Variants in ANKIB1 observed in about 807,000 individuals in gnomAD.
ANKIB1 encodes the protein ankyrin repeat and IBR domain-containing protein 1.
Under a neutral mutation model 122.1 loss-of-function variants are expected in ANKIB1, and 43 were observed. The ratio of observed to expected loss-of-function variants is 0.35; its 90% confidence interval spans 0.28 to 0.45. The LOEUF is 0.45. Ranked by LOEUF, ANKIB1 falls within the 20% of genes least tolerant of loss-of-function variation. The probability of loss-of-function intolerance (pLI) is 1.00; values close to 1 mark genes in which losing one functional copy is unlikely to be tolerated. For missense variants in ANKIB1, 992 were observed against 1,329.5 expected (o/e 0.75, Z 3.95); for synonymous variants, 390 against 442.0 (o/e 0.88, Z 1.48).
At position 92,246,255 on chromosome 7, in the gene ANKIB1, G is replaced by A. The variant is rs113531752; in HGVS notation, c.-355G>A. ...GCGGCGCAGCGGCCGGAGAGGGATG[G>A]GGGGCGCCCACCCAGTCTGAGCCTC... On this transcript the variant is annotated 5_prime_UTR_variant, in exon 1 of 20. Transcript: ENST00000265742. The A allele has an allele frequency of 1.3e-5, 5 of 388,426 alleles. No individual in the cohort carries two copies. Among genetic ancestry groups the A allele is most frequent in the African/African-American group, 9.1e-5 (4 of 43,946 alleles). 24.1% of individuals were successfully genotyped at this position (388,426 alleles called of 1,614,324 possible).
At chr7:92,279,926 C>CA (rs1801983350) in intron 1 of ANKIB1, among the ~76,000 whole-genome samples, 1 of 152,164 alleles carries the variant, frequency 6.6e-6, no homozygotes, top group Admixed American at 6.5e-5. Context: ...TTGTCAGCCT[C>CA]TACGGGTCAG....
intron 17 of ANKIB1, among the ~76,000 whole-genome samples, chr7:92,392,623 T>C (rs954336661): frequency 1.3e-5 from 2 of 152,226 alleles, no homozygotes; most frequent in African/African-American, 4.8e-5. Flanking sequence ...AATATTGTTT[T>C]AATCTGAAAC....
chr7:92,379,626 A>C (rs78900083), intron 11 of ANKIB1, among the ~76,000 whole-genome samples: 239 of 152,338 alleles, frequency 1.6e-3, no homozygotes, highest in African/African-American at 5.4e-3. Flanking sequence ...CCAGTGGAGA[A>C]ACATGAGTTA....
At chr7:92,266,782 A>G (rs534069067) in intron 1 of ANKIB1, among the ~76,000 whole-genome samples, 1 of 152,332 alleles carries the variant, frequency 6.6e-6, no homozygotes, top group South Asian at 2.1e-4. Flanking sequence ...ATGATTCACT[A>G]TTAGCATCCA....
intron 2 of ANKIB1, among the ~76,000 whole-genome samples, chr7:92,302,616 A>G (rs1404815609): frequency 6.6e-6 from 1 of 152,226 alleles, no homozygotes; most frequent in African/African-American, 2.4e-5. Context: ...TGTATCTTCT[A>G]TAAAACAGCC....
At chr7:92,278,277 A>AT (rs1053196768) in intron 1 of ANKIB1, among the ~76,000 whole-genome samples, 1 of 151,972 alleles carries the variant, frequency 6.6e-6, no homozygotes, top group Non-Finnish European at 1.5e-5. Context: ...AAAATAAAGA[A>AT]TTTTTTAAAA....
chr7:92,298,203 C>T (rs1802394004), intron 2 of ANKIB1, among the ~76,000 whole-genome samples: 1 of 151,982 alleles, frequency 6.6e-6, no homozygotes, highest in African/African-American at 2.4e-5. Flanking sequence ...TTGTGGATTA[C>T]TAATCTATTA....
At chr7:92,273,466 C>G (rs1030384974) in intron 1 of ANKIB1, among the ~76,000 whole-genome samples, 1 of 152,154 alleles carries the variant, frequency 6.6e-6, no homozygotes, top group Non-Finnish European at 1.5e-5. Context: ...ATCCAGAAAC[C>G]TCTCCTAGAT....
chr7:92,270,136 T>C (rs1412151528), intron 1 of ANKIB1, among the ~76,000 whole-genome samples: 6 of 152,106 alleles, frequency 3.9e-5, no homozygotes, highest in Non-Finnish European at 8.8e-5. Context: ...CATCACAGCT[T>C]ACTACAGCCT....
intron 14 of ANKIB1, among the ~76,000 whole-genome samples, chr7:92,388,540 G>A (rs1016485083): frequency 2.6e-5 from 4 of 152,214 alleles, no homozygotes; most frequent in Non-Finnish European, 5.9e-5. Flanking sequence ...GCCATGAGGT[G>A]GAGCTAACGT....
chr7:92,265,571 G>A (rs1393852913), intron 1 of ANKIB1, among the ~76,000 whole-genome samples: 1 of 152,224 alleles, frequency 6.6e-6, no homozygotes, highest in African/African-American at 2.4e-5. Flanking sequence ...TGGCTGCTGT[G>A]TGGAAAATAG....
At chr7:92,282,771 G>A (rs77406038) in intron 1 of ANKIB1, among the ~76,000 whole-genome samples, 322 of 152,244 alleles carry the variant, frequency 2.1e-3, no homozygotes, top group African/African-American at 7.3e-3. Flanking sequence ...AAAGTCAAAT[G>A]TTTAAAAGCT....
intron 5 of ANKIB1, among the ~76,000 whole-genome samples, chr7:92,333,752 T>A (rs1200635445): frequency 1.3e-5 from 2 of 152,162 alleles, no homozygotes; most frequent in Non-Finnish European, 2.9e-5. Flanking sequence ...AGGAGTCAGA[T>A]GTGATAGAAT....
At chr7:92,380,288 T>A (rs1266758911) in intron 11 of ANKIB1, among the ~76,000 whole-genome samples, 2 of 152,068 alleles carry the variant, frequency 1.3e-5, no homozygotes, top group African/African-American at 2.4e-5. Context: ...TTCTGTAGAC[T>A]CCACCTCTGG....
chr7:92,381,182 G>C (rs1804504608), intron 11 of ANKIB1, among the ~76,000 whole-genome samples: 1 of 152,144 alleles, frequency 6.6e-6, no homozygotes, highest in African/African-American at 2.4e-5. Flanking sequence ...AAGTAGGGAA[G>C]TTGGGAGAAA....
At chr7:92,311,213 A>G (rs982278368) in intron 3 of ANKIB1, among the ~76,000 whole-genome samples, 2 of 152,160 alleles carry the variant, frequency 1.3e-5, no homozygotes, top group African/African-American at 4.8e-5. Flanking sequence ...GTGTCGTCAG[A>G]TATTTATTAA....
chr7:92,366,164 A>G lies in ANKIB1; in HGVS notation c.1486+3891A>G, dbSNP rs546116013. Among the ~76,000 whole-genome samples, 7 of 152,282 alleles carry G rather than the reference A, an allele frequency of 4.6e-5. No individual in the cohort carries two copies. The South Asian group carries it at 1.2e-3, about 27-fold the overall frequency. On this transcript the variant is annotated intron_variant, in intron 10 of 19. Transcript: ENST00000265742. The stretch of plus-strand genomic sequence containing the variant: ...AGTAATTAGTCTAGCATATTATTCA[A>G]TTCTTGAGTTGAAAATGCCCAGCAA...
chr7:92,275,460 G>A (rs1801882476), intron 1 of ANKIB1, among the ~76,000 whole-genome samples: 1 of 152,156 alleles, frequency 6.6e-6, no homozygotes, highest in Non-Finnish European at 1.5e-5. Context: ...AAAATACCTG[G>A]AAAAATTGTA....
At chr7:92,397,637 C>A in intron 18 of ANKIB1, 86 bp from the exon 19 acceptor site, 1 of 1,464,754 alleles carries the variant, frequency 6.8e-7, no homozygotes, top group Non-Finnish European at 9.3e-7. Flanking sequence ...AGAGAAATTG[C>A]CCATCTAAAC....
Sources: allele counts gnomAD v4.1 joint callset (sites outside exome capture counted in the v4.1 genomes callset), GRCh38; gene constraint gnomAD v4.1.1; transcripts MANE v1.5; gene names NCBI Gene and HGNC (gene_info 2026-07-23, HGNC 2026-07-21).